Variants in COL13A1 observed in about 807,000 individuals in gnomAD.
COL13A1 encodes collagen type XIII alpha 1 chain, also known as collagen alpha-1(XIII) chain.
COL13A1 carries 89 observed loss-of-function variants against 130.9 expected under a neutral mutation model. The observed-to-expected ratio is 0.68, with a 90% CI of 0.57 to 0.81. The LOEUF (loss-of-function observed/expected upper bound fraction) is 0.81. COL13A1 is among the 30% of genes least tolerant of loss of function. The pLI is 0.00. For missense variants in COL13A1, 879 were observed against 934.6 expected, an observed-to-expected ratio of 0.94 and a Z score of 0.78; for synonymous variants, 402 against 341.6, an observed-to-expected ratio of 1.18 and a Z score of -1.95.
At position 69,888,342 on chromosome 10, in the gene COL13A1, C is replaced by A; in HGVS notation, c.576+12C>A. The A allele has an allele frequency of 6.2e-7, 1 of 1,611,624 alleles. No individual in the cohort carries two copies. Among genetic ancestry groups the A allele is most frequent in the East Asian group, 2.2e-5 (1 of 44,818 alleles). The stretch of plus-strand genomic sequence containing the variant: ...TGGACGGCAAACCGGTAAGTGGACC[C>A]GCTCTCTCCCCTCACTGCAGGTCAG... On this transcript the variant is annotated intron_variant, in intron 9 of 40. Coordinates refer to ENST00000645393, the MANE Select transcript of COL13A1 (RefSeq NM_001368882.1).
intron 1 of COL13A1, among the ~76,000 whole-genome samples, chr10:69,804,809 C>CAAAAAAAAAAAAAAAAAAAAAAAAAAAAA (rs57098368): frequency 2.7e-5 from 2 of 75,380 alleles, no homozygotes; most frequent in Admixed American, 1.8e-4. Context: ...ATGTCGTGTG[C>CAAAAAAAAAAAAAAAAAAAAAAAAAAAAA]AAAAAAAAAA....
At chr10:69,927,158 TG>T in intron 27 of COL13A1, 48 bp downstream of exon 27, 1 of 1,608,988 alleles carries the variant, frequency 6.2e-7, no homozygotes, top group Non-Finnish European at 8.5e-7. Context: ...ACGGGGGGGC[TG>T]GGGATGGCAG....
At chr10:69,825,559 C>T (rs1847274388) in intron 2 of COL13A1, among the ~76,000 whole-genome samples, 1 of 152,204 alleles carries the variant, frequency 6.6e-6, no homozygotes, top group Admixed American at 6.5e-5. Flanking sequence ...CACCCCACCC[C>T]AAATCTTGCC....
chr10:69,945,800 T>TGC (rs2068427337), intron 37 of COL13A1, 76 bp downstream of exon 37: 2 of 1,543,008 alleles, frequency 1.3e-6, no homozygotes, highest in South Asian at 2.4e-5. Context: ...CGGCCGGGCA[T>TGC]GGTGGCTCAC....
intron 17 of COL13A1, among the ~76,000 whole-genome samples, chr10:69,911,308 G>T (rs1472947862): frequency 1.3e-5 from 2 of 152,240 alleles, no homozygotes; most frequent in Non-Finnish European, 2.9e-5. Flanking sequence ...TCGTGCAATT[G>T]TAACTACCTT....
chr10:69,889,148 G>T (rs1010287339), intron 9 of COL13A1, among the ~76,000 whole-genome samples: 2 of 152,230 alleles, frequency 1.3e-5, no homozygotes, highest in African/African-American at 4.8e-5. Flanking sequence ...TGAGCGTTGG[G>T]GTCTAGGGAG....
Position 69,930,423 on chromosome 10 carries a change from C to T in COL13A1, c.1554C>T (p.Asp518=). The part of the protein sequence containing the change: ...GEKGPRGKPG[D]MGPPGPQGPP... ...AGGGACCTCGCGGTAAACCAGGAGA[C>T]ATGGGCCCTCCTGGTCCCCAAGGCC... Residue 518 remains aspartate, a synonymous_variant, in exon 30 of 41, where the codon GAC becomes GAT. Transcript: ENST00000645393. 3 of 1,611,704 alleles carry T rather than the reference C, an allele frequency of 1.9e-6. No individual in the cohort carries two copies. The highest frequency in any genetic ancestry group is 2.5e-6 in the Non-Finnish European group (3 of 1,179,138).
intron 7 of COL13A1, among the ~76,000 whole-genome samples, chr10:69,882,387 C>T (rs895951292): frequency 4.7e-5 from 7 of 150,018 alleles, no homozygotes; most frequent in African/African-American, 7.3e-5. Flanking sequence ...CTGCTCCTCC[C>T]GGCCTCTGCC....
intron 39 of COL13A1, among the ~76,000 whole-genome samples, chr10:69,953,556 C>A (rs1329910129): frequency 2.6e-5 from 4 of 152,222 alleles, no homozygotes; most frequent in African/African-American, 7.2e-5. Context: ...CAGACAGACA[C>A]CCCATGGGAA....
At chr10:69,953,316 C>T (rs74139249) in intron 39 of COL13A1, among the ~76,000 whole-genome samples, 5,203 of 152,276 alleles carry the variant, frequency 0.034, 297 homozygotes, top group African/African-American at 0.12. Context: ...ATTTGTGAGC[C>T]ACGGATTTGC....
At chr10:69,881,295 AG>A (rs2060114130) in intron 7 of COL13A1, among the ~76,000 whole-genome samples, 2 of 152,058 alleles carry the variant, frequency 1.3e-5, no homozygotes, top group South Asian at 4.2e-4. Flanking sequence ...AGGCTCAGAG[AG>A]GGGGAGCGCC....
chr10:69,902,947 AAGC>A, intron 15 of COL13A1, 92 bp downstream of exon 15: 1 of 993,656 alleles, frequency 1.0e-6, no homozygotes, highest in Non-Finnish European at 1.4e-6. Flanking sequence ...CCCCTACAAA[AAGC>A]AGAAATGCCT....
Position 69,898,711 on chromosome 10 carries a change from C to A in COL13A1, c.699C>A (p.Leu233=). 1 of 1,613,588 alleles carries A rather than the reference C, an allele frequency of 6.2e-7. No individual in the cohort carries two copies. The highest frequency in any genetic ancestry group is 8.5e-7 in the Non-Finnish European group (1 of 1,179,712). ...GEYPHRLLPL[L]NSVRLAPPPV... ...TTTCTCCTCAGCTGCTGCCTCTCCT[C>A]AATTCAGTGCGACTGGCTCCACCCC... Residue 233 remains leucine, a synonymous_variant, in exon 14 of 41, where the codon CTC becomes CTA. Coordinates refer to ENST00000645393, the MANE Select transcript of COL13A1 (RefSeq NM_001368882.1).
At chr10:69,897,601 T>G in intron 13 of COL13A1, 1 of 1,545,504 alleles carries the variant, frequency 6.5e-7, no homozygotes. Flanking sequence ...AGCCCAACAT[T>G]GCACATCCCC....
At chr10:69,944,960 A>T (rs1170426783) in intron 36 of COL13A1, among the ~76,000 whole-genome samples, 1 of 152,260 alleles carries the variant, frequency 6.6e-6, no homozygotes, top group African/African-American at 2.4e-5. Flanking sequence ...GTCGCTGTCG[A>T]TGGACGTTGG....
At chr10:69,858,771 C>A (rs990498528) in intron 2 of COL13A1, among the ~76,000 whole-genome samples, 1 of 152,238 alleles carries the variant, frequency 6.6e-6, no homozygotes, top group Non-Finnish European at 1.5e-5. Context: ...CATCTCCCCC[C>A]ACCACTAAGT....
At chr10:69,865,114 G>A (rs1859464075) in intron 2 of COL13A1, among the ~76,000 whole-genome samples, 1 of 152,222 alleles carries the variant, frequency 6.6e-6, no homozygotes, top group South Asian at 2.1e-4. Context: ...GGGGAGTCAG[G>A]AGACTGAATG....
At chr10:69,940,601 T>G (rs2067486422) in intron 34 of COL13A1, among the ~76,000 whole-genome samples, 1 of 152,062 alleles carries the variant, frequency 6.6e-6, no homozygotes. Flanking sequence ...CTGGGAAGGG[T>G]GCACAGCTCT....
In COL13A1 at chr10:69,915,823, G is replaced by A. The variant is rs143101679; in HGVS notation, c.922-1466G>A. On this transcript the variant is annotated intron_variant, in intron 17 of 40. Coordinates refer to ENST00000645393, the MANE Select transcript of COL13A1 (RefSeq NM_001368882.1). ...GGGTTTTAAGTTGAAATGGAAGAAA[G>A]ACAGACCGTGGAAATGGGTAGTGTT... 2.6e-5 allele frequency among the ~76,000 whole-genome samples: 4 copies of A among 152,294 alleles called. No homozygotes were observed. In the East Asian group the frequency reaches 7.7e-4, roughly 29 times the overall value.
Sources: allele counts gnomAD v4.1 joint callset (sites outside exome capture counted in the v4.1 genomes callset), GRCh38; gene constraint gnomAD v4.1.1; transcripts MANE v1.5; gene names NCBI Gene and HGNC (gene_info 2026-07-23, HGNC 2026-07-21).